LAMA1: variants seen among roughly 807,000 people sequenced by gnomAD.
LAMA1 encodes the protein laminin subunit alpha-1.
LAMA1 carries 219 observed loss-of-function variants against 348.7 expected under a neutral mutation model. That is an observed-to-expected ratio of 0.63 (90% CI 0.56 to 0.70). LAMA1 has a LOEUF of 0.70. LAMA1 is among the 30% of genes least tolerant of loss of function. The probability of loss-of-function intolerance (pLI) is 0.00; values close to 1 mark genes in which losing one functional copy is unlikely to be tolerated. For missense variants in LAMA1, 3,744 were observed against 3,888.0 expected (o/e 0.96, Z 0.99); for synonymous variants, 1,487 against 1,491.0 (o/e 1.00, Z 0.06).
In LAMA1 at chr18:7,002,404, A is replaced by T; in HGVS notation, c.4261-19T>A. Reference sequence around the variant, plus strand: ...CACAGTTCTGGGAGCCCACATTTAAAGGAAGGGGGAAAAAATGGGAAATTG... The same window carrying T: ...CACAGTTCTGGGAGCCCACATTTAATGGAAGGGGGAAAAAATGGGAAATTG... On this transcript the variant is annotated intron_variant, in intron 29 of 62. Coordinates refer to ENST00000389658, the MANE Select transcript of LAMA1 (RefSeq NM_005559.4). 3 of 1,610,446 alleles carry T rather than the reference A, an allele frequency of 1.9e-6. No individual in the cohort carries two copies. Among genetic ancestry groups the T allele is most frequent in the Non-Finnish European group, 2.5e-6 (3 of 1,179,502 alleles).
chr18:6,964,189 A>G (rs570624985), intron 51 of LAMA1: 2 of 185,706 alleles, frequency 1.1e-5, no homozygotes, highest in African/African-American at 4.7e-5. Flanking sequence ...GGCCTGCTTT[A>G]CTTCTCAAAT....
chr18:7,092,202 C>A (rs2058242062), intron 1 of LAMA1, among the ~76,000 whole-genome samples: 1 of 152,120 alleles, frequency 6.6e-6, no homozygotes, highest in African/African-American at 2.4e-5. Context: ...ATACTTTGAA[C>A]CTGGTAGTTT....
chr18:7,010,684 C>T (rs1274426467), intron 25 of LAMA1, among the ~76,000 whole-genome samples: 1 of 152,146 alleles, frequency 6.6e-6, no homozygotes, highest in Non-Finnish European at 1.5e-5. Flanking sequence ...TTCTCTATCT[C>T]CAGGAGCACT....
chr18:7,073,596 T>C (rs527595422), intron 3 of LAMA1, among the ~76,000 whole-genome samples: 1 of 152,230 alleles, frequency 6.6e-6, no homozygotes, highest in Non-Finnish European at 1.5e-5. Context: ...ATTTCATTCC[T>C]TTTTAAGGCT....
At chr18:6,992,011 A>G (rs1465502494) in intron 36 of LAMA1, among the ~76,000 whole-genome samples, 1 of 152,234 alleles carries the variant, frequency 6.6e-6, no homozygotes, top group African/African-American at 2.4e-5. Flanking sequence ...TAGTATATCA[A>G]GTAATACCTG....
At chr18:6,975,819 T>A in intron 45 of LAMA1, 118 bp downstream of exon 45, 2 of 1,187,802 alleles carry the variant, frequency 1.7e-6, no homozygotes, top group South Asian at 1.2e-5. Flanking sequence ...TTAGTCCCTA[T>A]GGGAGATTTA....
At chr18:6,949,922 C>T (rs2057538792) in intron 58 of LAMA1, among the ~76,000 whole-genome samples, 1 of 152,230 alleles carries the variant, frequency 6.6e-6, no homozygotes, top group African/African-American at 2.4e-5. Flanking sequence ...AAACTCTAAC[C>T]AGTCATTGTT....
Position 7,032,194 on chromosome 18 carries a change from G to GAGGATGACTTTCCCTTC in LAMA1, c.2164-19_2164-18insGAAGGGAAAGTCATCCT. On this transcript the variant is annotated intron_variant, in intron 15 of 62. Transcript: ENST00000389658. ...AGGCACGACTGCAAGAGAAGGGAAAGTCATCCTCTTTCCACTACGTTACAA... is the reference window on the plus strand; with the variant it reads ...AGGCACGACTGCAAGAGAAGGGAAAGAGGATGACTTTCCCTTCTCATCCTCTTTCCACTACGTTACAA... 6.5e-7 allele frequency: 1 copy of GAGGATGACTTTCCCTTC among 1,543,512 alleles called. No homozygotes were observed. Among genetic ancestry groups the GAGGATGACTTTCCCTTC allele is most frequent in the Non-Finnish European group, 9.0e-7 (1 of 1,115,876 alleles).
intron 16 of LAMA1, among the ~76,000 whole-genome samples, chr18:7,029,042 A>C (rs1444497761): frequency 6.6e-6 from 1 of 152,196 alleles, no homozygotes; most frequent in African/African-American, 2.4e-5. Flanking sequence ...AGGTTGATGA[A>C]AGTTTTCCCA....
chr18:7,088,916 A>C (rs1313526879), intron 1 of LAMA1, among the ~76,000 whole-genome samples: 1 of 152,084 alleles, frequency 6.6e-6, no homozygotes, highest in Non-Finnish European at 1.5e-5. Flanking sequence ...CTGAGGCAAG[A>C]GGATCGCTTG....
At chr18:7,053,780 A>ATTTTTTTTTTTTT (rs371341214) in intron 3 of LAMA1, among the ~76,000 whole-genome samples, 1 of 138,302 alleles carries the variant, frequency 7.2e-6, no homozygotes, top group Non-Finnish European at 1.6e-5. Flanking sequence ...TCATTAGAGG[A>ATTTTTTTTTTTTT]TTTTTTTTTT....
intron 5 of LAMA1, 137 bp downstream of exon 5, chr18:7,048,941 G>T: frequency 1.2e-6 from 1 of 817,152 alleles, no homozygotes; most frequent in Middle Eastern, 3.7e-4. Flanking sequence ...CATGAAATAA[G>T]GATACAGCTG....
intron 36 of LAMA1, among the ~76,000 whole-genome samples, chr18:6,987,097 T>C (rs2144061937): frequency 6.6e-6 from 1 of 152,210 alleles, no homozygotes. Flanking sequence ...CTGATGATTT[T>C]ATAAATGATG....
intron 13 of LAMA1, 114 bp from the exon 14 acceptor site, chr18:7,034,804 G>T: frequency 1.2e-6 from 1 of 847,248 alleles, no homozygotes; most frequent in Non-Finnish European, 1.9e-6. Context: ...CTAGCTTCTT[G>T]TGGCAAACGT....
intron 16 of LAMA1, among the ~76,000 whole-genome samples, chr18:7,027,283 C>A (rs1379500129): frequency 6.6e-6 from 1 of 152,124 alleles, no homozygotes; most frequent in Non-Finnish European, 1.5e-5. Context: ...GCAATATACA[C>A]ACCAAAATGG....
intron 42 of LAMA1, among the ~76,000 whole-genome samples, chr18:6,979,191 G>T (rs572994314): frequency 2.0e-5 from 3 of 151,606 alleles, no homozygotes; most frequent in African/African-American, 4.8e-5. Context: ...TATAAAAAAA[G>T]AAAAGGAAAA....
intron 7 of LAMA1, among the ~76,000 whole-genome samples, chr18:7,043,995 A>G (rs1215793370): frequency 6.6e-6 from 1 of 151,996 alleles, no homozygotes; most frequent in African/African-American, 2.4e-5. Flanking sequence ...CTCTACTAAA[A>G]ATACAAAAAA....
intron 1 of LAMA1, among the ~76,000 whole-genome samples, chr18:7,111,400 G>A (rs1283371646): frequency 1.3e-5 from 2 of 152,182 alleles, no homozygotes; most frequent in Non-Finnish European, 2.9e-5. Context: ...GCAAGATGAG[G>A]AACAAGTTAA....
intron 36 of LAMA1, among the ~76,000 whole-genome samples, chr18:6,988,809 A>T (rs1202820321): frequency 1.3e-4 from 3 of 22,230 alleles, no homozygotes; most frequent in African/African-American, 5.0e-4. Flanking sequence ...CCGTCTCAAT[A>T]AAAAAAAAAA....
Sources: allele counts gnomAD v4.1 joint callset (sites outside exome capture counted in the v4.1 genomes callset), GRCh38; gene constraint gnomAD v4.1.1; transcripts MANE v1.5; gene names NCBI Gene and HGNC (gene_info 2026-07-23, HGNC 2026-07-21).